Variants in DCC observed in about 807,000 individuals in gnomAD.
DCC encodes DCC netrin 1 receptor.
In DCC, 58 loss-of-function variants were observed where a neutral mutation model predicts 172.5. The ratio of observed to expected loss-of-function variants is 0.34; its 90% CI spans 0.27 to 0.42. The LOEUF is 0.42. Ranked by LOEUF, DCC falls within the 10% of genes least tolerant of loss-of-function variation. The probability of loss-of-function intolerance (pLI) is 1.00; values close to 1 mark genes in which losing one functional copy is unlikely to be tolerated. For synonymous variants in DCC, 709 were observed against 644.5 expected (o/e 1.10, Z -1.52); for missense variants, 1,740 against 1,791.0 (o/e 0.97, Z 0.51).
intron 5 of DCC, among the ~76,000 whole-genome samples, chr18:52,944,388 G>C (rs557086204): frequency 5.1e-4 from 77 of 152,272 alleles, no homozygotes; most frequent in African/African-American, 1.8e-3. Flanking sequence ...ACCTGGAACT[G>C]CAGCACCGTT....
chr18:52,519,292 T>C (rs1485927829), intron 1 of DCC, among the ~76,000 whole-genome samples: 22 of 152,212 alleles, frequency 1.4e-4, no homozygotes, highest in Admixed American at 1.4e-3. Context: ...AGGTCTTGCA[T>C]GCCTCAAGAA....
At chr18:52,405,903 A>T (rs886249637) in intron 1 of DCC, among the ~76,000 whole-genome samples, 1 of 151,764 alleles carries the variant, frequency 6.6e-6, no homozygotes, top group Non-Finnish European at 1.5e-5. Context: ...GAGGCATCAC[A>T]CTACCTGACT....
At chr18:53,392,954 C>CA (rs1458104835) in intron 17 of DCC, among the ~76,000 whole-genome samples, 1 of 152,196 alleles carries the variant, frequency 6.6e-6, no homozygotes, top group African/African-American at 2.4e-5. Flanking sequence ...TGCCACCCAA[C>CA]AACTAAGAAA....
chr18:53,306,934 A>G (rs762122590), intron 13 of DCC, among the ~76,000 whole-genome samples: 7 of 152,222 alleles, frequency 4.6e-5, no homozygotes, highest in Non-Finnish European at 8.8e-5. Flanking sequence ...TTTATAGATG[A>G]GGTAAACTAC....
At chr18:52,628,754 C>A (rs1388570229) in intron 1 of DCC, among the ~76,000 whole-genome samples, 1 of 152,222 alleles carries the variant, frequency 6.6e-6, no homozygotes, top group Non-Finnish European at 1.5e-5. Context: ...GTATAATGGA[C>A]TCCTGCTGGT....
intron 5 of DCC, among the ~76,000 whole-genome samples, chr18:53,031,640 A>G (rs992045441): frequency 1.3e-5 from 2 of 152,126 alleles, no homozygotes; most frequent in Non-Finnish European, 2.9e-5. Context: ...AAAATTTTCA[A>G]GGAAATATAA....
chr18:53,301,605 A>G (rs1471830449), intron 12 of DCC, among the ~76,000 whole-genome samples: 1 of 152,096 alleles, frequency 6.6e-6, no homozygotes, highest in African/African-American at 2.4e-5. Context: ...TCCATTCCCT[A>G]AAGACTGCCT....
chr18:52,755,348 C>T (rs990842347), intron 2 of DCC, among the ~76,000 whole-genome samples: 1 of 152,184 alleles, frequency 6.6e-6, no homozygotes, highest in African/African-American at 2.4e-5. Flanking sequence ...CATGTGCTGT[C>T]TTTCAGTAGT....
chr18:53,359,801 A>G (rs1242418418), intron 15 of DCC, among the ~76,000 whole-genome samples: 1 of 152,150 alleles, frequency 6.6e-6, no homozygotes, highest in Non-Finnish European at 1.5e-5. Flanking sequence ...TTTTATAATG[A>G]CATCCAGAGC....
chr18:52,558,247 AAT>A (rs1389743567), intron 1 of DCC, among the ~76,000 whole-genome samples: 1 of 151,652 alleles, frequency 6.6e-6, no homozygotes. Flanking sequence ...ATTTATTATT[AAT>A]ATTACTATTA....
At chr18:52,820,584 T>C (rs987902409) in intron 2 of DCC, among the ~76,000 whole-genome samples, 3 of 152,072 alleles carry the variant, frequency 2.0e-5, no homozygotes, top group Non-Finnish European at 4.4e-5. Flanking sequence ...GGCTACAGAA[T>C]TGAACAGGAT....
intron 2 of DCC, among the ~76,000 whole-genome samples, chr18:52,835,213 C>T (rs147488328): frequency 1.3e-5 from 2 of 152,042 alleles, no homozygotes; most frequent in Non-Finnish European, 2.9e-5. Flanking sequence ...CTGGTTGTTG[C>T]CATAAATCCT....
intron 8 of DCC, among the ~76,000 whole-genome samples, chr18:53,169,798 T>C (rs889279798): frequency 2.0e-5 from 3 of 152,166 alleles, no homozygotes; most frequent in Non-Finnish European, 4.4e-5. Flanking sequence ...CACTGTTCTC[T>C]TTTCTTCAGA....
At chr18:52,496,982 G>A (rs1020562857) in intron 1 of DCC, among the ~76,000 whole-genome samples, 2 of 151,822 alleles carry the variant, frequency 1.3e-5, no homozygotes, top group Non-Finnish European at 2.9e-5. Flanking sequence ...ACCAGGCATG[G>A]TGGTTCACAC....
intron 5 of DCC, among the ~76,000 whole-genome samples, chr18:52,941,380 G>A (rs902273428): frequency 3.3e-5 from 5 of 151,892 alleles, no homozygotes; most frequent in Non-Finnish European, 7.4e-5. Flanking sequence ...TAGTACTCAG[G>A]GCAATATGAA....
intron 15 of DCC, among the ~76,000 whole-genome samples, chr18:53,351,470 A>ATATATATATATATATACACAGTG (rs2057811518): frequency 1.1e-4 from 4 of 35,246 alleles, no homozygotes; most frequent in Non-Finnish European, 2.5e-4. Context: ...CAGTGTGTAT[A>ATATATATATATATATACACAGTG]TATATATATA....
rs200788100 is a variant in DCC at position 52,815,437 on chromosome 18, C to CACACACAT, written c.412+63063_412+63064insACACACAT. 4.2e-3 allele frequency among the ~76,000 whole-genome samples: 639 copies of CACACACAT among 150,532 alleles called. 6 individuals are homozygous for CACACACAT. Among genetic ancestry groups the CACACACAT allele is most frequent in the African/African-American group, 0.015 (601 of 40,858 alleles). On this transcript the variant is annotated intron_variant, in intron 2 of 28. Transcript: ENST00000442544. Reference sequence around the variant, plus strand: ...ACACACACACACACACACACACACACGTTCTCTCTCCACGTCCCACCACCC... The same window carrying CACACACAT: ...ACACACACACACACACACACACACACACACACATGTTCTCTCTCCACGTCCCACCACCC...
intron 12 of DCC, among the ~76,000 whole-genome samples, chr18:53,254,623 C>G (rs2056481361): frequency 6.6e-6 from 1 of 151,994 alleles, no homozygotes; most frequent in Non-Finnish European, 1.5e-5. Context: ...CATGCCAAGC[C>G]CATCACACCC....
At chr18:52,757,775 T>C (rs971486228) in intron 2 of DCC, among the ~76,000 whole-genome samples, 7 of 152,182 alleles carry the variant, frequency 4.6e-5, no homozygotes, top group African/African-American at 1.7e-4. Context: ...TCTCTATACA[T>C]TACCTTGTAA....
Sources: gnomAD v4.1 joint callset for allele counts (sites outside exome capture counted in the v4.1 genomes callset) on GRCh38, gnomAD v4.1.1 for gene constraint, MANE v1.5 for transcripts, NCBI Gene and HGNC (gene_info 2026-07-23, HGNC 2026-07-21) for gene names.